The following SNX18 variants were observed in gnomAD, a reference collection of about 807,000 sequenced individuals.
SNX18 encodes the protein sorting nexin-18.
SNX18 carries 35 observed loss-of-function variants against 48.7 expected under a neutral mutation model. The observed-to-expected ratio is 0.72, with a 90% confidence interval of 0.55 to 0.95. The LOEUF (loss-of-function observed/expected upper bound fraction) is 0.95. Ranked by LOEUF, SNX18 falls within the 40% of genes least tolerant of loss-of-function variation. The pLI, the probability that SNX18 is intolerant of heterozygous loss-of-function variation, is 0.00. For synonymous variants in SNX18, 492 were observed against 384.7 expected, an observed-to-expected ratio of 1.28 and a Z score of -3.26; for missense variants, 824 against 871.0, an observed-to-expected ratio of 0.95 and a Z score of 0.68.
In SNX18 at chr5:54,519,191, G is replaced by GC; in HGVS notation, c.1245dup (p.Ala416ArgfsTer5). 1.2e-6 allele frequency: 2 copies of GC among 1,613,640 alleles called. No homozygotes were observed. The highest frequency in any genetic ancestry group is 1.7e-5 in the Admixed American group (1 of 59,982). ...CCAACTTCTTCCTGACCCTTAGCAC[G>GC]CCCCCCGCCGCTGCCCTTGACCTGC... On this transcript the variant is annotated frameshift_variant, in exon 1 of 2. Transcript: ENST00000381410. LOFTEE classifies it high-confidence loss of function.
the SNX18 span, among the ~76,000 whole-genome samples, chr5:54,553,049 G>C: frequency 6.7e-6 from 1 of 149,932 alleles, no homozygotes; most frequent in Non-Finnish European, 1.5e-5. Context: ...AGTATGGCTG[G>C]AGTGGGAGAA....
intron 1 of SNX18, among the ~76,000 whole-genome samples, chr5:54,530,429 C>T (rs898672840): frequency 3.9e-5 from 6 of 152,100 alleles, no homozygotes; most frequent in East Asian, 3.8e-4. Flanking sequence ...AGCTAGGATT[C>T]GAGTGCATTA....
chr5:54,566,949 A>C, the SNX18 span, among the ~76,000 whole-genome samples: 6 of 152,182 alleles, frequency 3.9e-5, no homozygotes, highest in African/African-American at 1.4e-4. Flanking sequence ...ATTGGGCCTT[A>C]TGGCCAGAAA....
the SNX18 span, among the ~76,000 whole-genome samples, chr5:54,607,896 T>C: frequency 6.6e-6 from 1 of 152,142 alleles, no homozygotes; most frequent in African/African-American, 2.4e-5. Flanking sequence ...ATCATGCCAC[T>C]GCACTCCAGC....
the SNX18 span, among the ~76,000 whole-genome samples, chr5:54,633,917 T>C: frequency 6.6e-6 from 1 of 152,210 alleles, no homozygotes; most frequent in African/African-American, 2.4e-5. Context: ...ATTTTATTGT[T>C]GGCTTACTTG....
chr5:54,562,159 C>G, the SNX18 span, among the ~76,000 whole-genome samples: 1 of 152,158 alleles, frequency 6.6e-6, no homozygotes, highest in African/African-American at 2.4e-5. Flanking sequence ...CAGCTCTTTG[C>G]GGGCGGGCAC....
intron 1 of SNX18, among the ~76,000 whole-genome samples, chr5:54,536,561 A>G (rs572629391): frequency 6.3e-4 from 96 of 152,282 alleles, no homozygotes; most frequent in Non-Finnish European, 1.3e-3. Context: ...ACGTGAACTC[A>G]TCATTTTTTA....
the SNX18 span, among the ~76,000 whole-genome samples, chr5:54,624,454 T>C: frequency 1.3e-5 from 2 of 152,228 alleles, no homozygotes; most frequent in African/African-American, 2.4e-5. Context: ...GAGCCAGGTA[T>C]AGTAAATGAA....
At chr5:54,572,350 A>AT in the SNX18 span, among the ~76,000 whole-genome samples, 1 of 152,284 alleles carries the variant, frequency 6.6e-6, no homozygotes, top group African/African-American at 2.4e-5. Context: ...ACAAGCATGA[A>AT]TAAAGAGCTG....
chr5:54,572,695 T>TA, the SNX18 span, among the ~76,000 whole-genome samples: 833 of 145,046 alleles, frequency 5.7e-3, 9 homozygotes, highest in African/African-American at 0.021. Context: ...TAAATTGCCA[T>TA]AAAAATATTT....
intron 1 of SNX18, among the ~76,000 whole-genome samples, chr5:54,522,936 C>T (rs187064455): frequency 2.0e-3 from 311 of 152,170 alleles, no homozygotes; most frequent in African/African-American, 7.1e-3. Flanking sequence ...TTTTCATCAA[C>T]GGATGGAGTC....
rs1483284551 is a variant in SNX18, at chr5:54,545,964, TAGAC to T, written c.*2536_*2539del. The T allele has an allele frequency of 2.6e-5, 4 of 152,334 alleles. No individual in the cohort carries two copies. Among genetic ancestry groups the T allele is most frequent in the East Asian group, 3.9e-4 (2 of 5,188 alleles). The allele number at this position is 152,334 out of a possible 1,614,324, so 9.4% of individuals were successfully genotyped here. A position where few individuals can be genotyped will look rare whatever the true frequency, so the allele number is the denominator to read the frequency against. ...TTGAGCCTGGTTTTACTGTTTTTATTAGACAGAGTTGTTTATATGCTGTAACTGT... is the reference window on the plus strand; with the variant it reads ...TTGAGCCTGGTTTTACTGTTTTTATTAGAGTTGTTTATATGCTGTAACTGT... On this transcript the variant is annotated 3_prime_UTR_variant, in exon 2 of 2. Coordinates refer to ENST00000381410, the MANE Select transcript of SNX18 (RefSeq NM_001102575.2).
chr5:54,595,102 T>C, the SNX18 span, among the ~76,000 whole-genome samples: 120 of 152,362 alleles, frequency 7.9e-4, no homozygotes, highest in East Asian at 0.02. Context: ...TTCCATGTCT[T>C]TGCTATTATG....
rs1333510773 is a variant in SNX18 at position 54,518,377 on chromosome 5, G to A, written c.425G>A (p.Gly142Asp). 2 of 1,569,604 alleles carry A rather than the reference G, an allele frequency of 1.3e-6. No individual in the cohort carries two copies. The highest frequency in any genetic ancestry group is 1.7e-4 in the Middle Eastern group (1 of 6,000). ...CAGCCGTCGCCTCAGCAGCTCTACG[G>A]CGGCTACCAGGCCAGCCAAGGCAGC... ...ALQPSPQQLY[G>D]GYQASQGSDD... Residue 142 changes from glycine (G) to aspartate (D), a missense_variant, in exon 1 of 2, where the codon GGC becomes GAC. Physicochemically the swap from Gly to Asp is moderately conservative, Grantham distance 94. Transcript: ENST00000381410.
chr5:54,627,827 G>A, the SNX18 span, among the ~76,000 whole-genome samples: 1 of 152,222 alleles, frequency 6.6e-6, no homozygotes, highest in African/African-American at 2.4e-5. Flanking sequence ...CCTGCCTTCA[G>A]TGGAGGCTAG....
At chr5:54,543,134 A>G in intron 1 of SNX18, 45 bp from the exon 2 acceptor site, 1 of 1,568,076 alleles carries the variant, frequency 6.4e-7, no homozygotes, top group Non-Finnish European at 8.7e-7. Flanking sequence ...TTCTTGGGAT[A>G]TGTGGATATA....
the SNX18 span, among the ~76,000 whole-genome samples, chr5:54,610,513 C>G: frequency 6.6e-6 from 1 of 152,184 alleles, no homozygotes; most frequent in African/African-American, 2.4e-5. Context: ...CAGAGTTTTC[C>G]GCTCAGCCAA....
the SNX18 span, among the ~76,000 whole-genome samples, chr5:54,630,431 C>T: frequency 6.6e-6 from 1 of 152,194 alleles, no homozygotes; most frequent in African/African-American, 2.4e-5. Flanking sequence ...AGCATCTTCT[C>T]ATTTTGAAAG....
At chr5:54,580,479 T>C in the SNX18 span, among the ~76,000 whole-genome samples, 2 of 152,224 alleles carry the variant, frequency 1.3e-5, no homozygotes, top group African/African-American at 2.4e-5. Flanking sequence ...CAAGAAGTTC[T>C]AGCCCTAAGT....
Sources: allele counts gnomAD v4.1 joint callset (sites outside exome capture counted in the v4.1 genomes callset), GRCh38; gene constraint gnomAD v4.1.1; transcripts MANE v1.5; gene names NCBI Gene and HGNC (gene_info 2026-07-23, HGNC 2026-07-21).